The following FOXP2 variants were observed in gnomAD, a reference collection of about 807,000 sequenced individuals.
FOXP2 encodes the protein forkhead box protein P2.
Under a neutral mutation model 115.8 loss-of-function variants are expected in FOXP2, and 12 were observed. The ratio of observed to expected loss-of-function variants is 0.10; its 90% CI spans 0.07 to 0.17. The LOEUF (loss-of-function observed/expected upper bound fraction) is 0.17. Ranked by LOEUF, FOXP2 falls within the 10% of genes least tolerant of loss-of-function variation. FOXP2 has a pLI of 1.00. For missense variants in FOXP2, 629 were observed against 843.5 expected (o/e 0.75, Z 3.15); for synonymous variants, 328 against 297.7 (o/e 1.10, Z -1.05).
chr7:114,396,856 A>G (rs1792758286), intron 2 of FOXP2, among the ~76,000 whole-genome samples: 1 of 152,146 alleles, frequency 6.6e-6, no homozygotes, highest in Non-Finnish European at 1.5e-5. Flanking sequence ...CCACAAAATG[A>G]TAACGATGTG....
At chr7:114,113,416 C>T (rs1791324752) in intron 1 of FOXP2, among the ~76,000 whole-genome samples, 1 of 152,206 alleles carries the variant, frequency 6.6e-6, no homozygotes, top group Non-Finnish European at 1.5e-5. Context: ...AGTTCTCACT[C>T]TGTCACTCAG....
chr7:114,108,029 A>T (rs1791166725), intron 1 of FOXP2, among the ~76,000 whole-genome samples: 1 of 151,978 alleles, frequency 6.6e-6, no homozygotes, highest in Non-Finnish European at 1.5e-5. Flanking sequence ...ACAAAGTCAC[A>T]TTATTTTGTG....
At position 114,414,883 on chromosome 7, in the gene FOXP2, TTC is replaced by T. The variant is rs1200605338; in HGVS notation, c.-479_-478del. 2 of 345,222 alleles carry T rather than the reference TTC, an allele frequency of 5.8e-6. No homozygotes were observed. Among genetic ancestry groups the T allele is most frequent in the Non-Finnish European group, 1.1e-5 (2 of 174,534 alleles). The allele number at this position is 345,222 out of a possible 1,614,324, so 21.4% of individuals were successfully genotyped here. A position where few individuals can be genotyped will look rare whatever the true frequency, so the allele number is the denominator to read the frequency against. On this transcript the variant is annotated 5_prime_UTR_variant, in exon 1 of 17. It removes the in-frame stop codon of an upstream open reading frame in the 5' UTR. Coordinates refer to ENST00000350908, the MANE Select transcript of FOXP2 (RefSeq NM_014491.4). ...TGCTTTTGTCTCTCTCTCTCTGTCT[TTC>T]TCTCTCTCACACACACACTCACACA...
chr7:114,551,077 T>G (rs1378222692), intron 3 of FOXP2, among the ~76,000 whole-genome samples: 1 of 152,176 alleles, frequency 6.6e-6, no homozygotes, highest in South Asian at 2.1e-4. Context: ...ATTGAAAAGC[T>G]AATCCACAGA....
rs1404850998 is a variant in FOXP2, at chr7:114,402,620, AT to A, written c.-10-23865del. The stretch of plus-strand genomic sequence containing the variant: ...CACCCCTGCAAAAACCATGCAAGCA[AT>A]TTTTTTTTTTTTTTTTGAGACAGGG... On this transcript the variant is annotated intron_variant, in intron 2 of 17. Transcript: ENST00000634411. Among the ~76,000 whole-genome samples, 1,099 of 140,022 alleles carry A rather than the reference AT, an allele frequency of 7.8e-3. 2 individuals are homozygous for A. Among genetic ancestry groups the A allele is most frequent in the African/African-American group, 0.013 (492 of 38,232 alleles). 91.9% of individuals were successfully genotyped at this position (140,022 alleles called of 152,430 possible). A position where few individuals can be genotyped will look rare whatever the true frequency, so the allele number is the denominator to read the frequency against.
chr7:114,166,039 A>C (rs1012957782), intron 1 of FOXP2, among the ~76,000 whole-genome samples: 4 of 152,210 alleles, frequency 2.6e-5, no homozygotes, highest in African/African-American at 9.6e-5. Flanking sequence ...AATAGTGCTT[A>C]AACAACTGGA....
At chr7:114,173,474 A>G (rs1239059964) in intron 1 of FOXP2, among the ~76,000 whole-genome samples, 1 of 151,186 alleles carries the variant, frequency 6.6e-6, no homozygotes, top group African/African-American at 2.4e-5. Context: ...TAGTTGGTTG[A>G]CATTAAGAAA....
At chr7:114,160,443 T>A (rs990947408), upstream of FOXP2, among the ~76,000 whole-genome samples, 9 of 152,084 alleles carry the variant, frequency 5.9e-5, no homozygotes, top group African/African-American at 2.2e-4. Flanking sequence ...TTGTATATGG[T>A]GAATTCATTG....
intron 1 of FOXP2, among the ~76,000 whole-genome samples, chr7:114,130,022 TA>T (rs1791826648): frequency 6.6e-6 from 1 of 152,118 alleles, no homozygotes; most frequent in Admixed American, 6.5e-5. Flanking sequence ...TTTAAACTTT[TA>T]AAAAGTCTGC....
chr7:114,219,643 G>T (rs751313791), intron 1 of FOXP2, among the ~76,000 whole-genome samples: 1 of 151,878 alleles, frequency 6.6e-6, no homozygotes, highest in African/African-American at 2.4e-5. Context: ...CTGATTGCAT[G>T]TATAACATAT....
chr7:114,451,422 A>C (rs1361028873), intron 2 of FOXP2, among the ~76,000 whole-genome samples: 2 of 152,082 alleles, frequency 1.3e-5, no homozygotes, highest in African/African-American at 4.8e-5. Flanking sequence ...TGAAATGAGG[A>C]TCATACTGTC....
chr7:114,430,611 A>T lies in FOXP2; in HGVS notation c.168+3932A>T, dbSNP rs536363473. 4.5e-3 allele frequency among the ~76,000 whole-genome samples: 680 copies of T among 151,788 alleles called. 4 individuals carry two copies. Among genetic ancestry groups the T allele is most frequent in the South Asian group, 0.026 (124 of 4,822 alleles). ...TCACACTACAATATTAATTGATGAT[A>T]TTTTCCTTTTTTACAACCAAATTCC... is the stretch of plus-strand genomic sequence containing the variant. On this transcript the variant is annotated intron_variant, in intron 2 of 16. Transcript: ENST00000350908.
chr7:114,625,494 C>A (rs1035955683), intron 3 of FOXP2, among the ~76,000 whole-genome samples: 2 of 151,710 alleles, frequency 1.3e-5, no homozygotes, highest in African/African-American at 4.8e-5. Flanking sequence ...ATACTGATTT[C>A]GTCTATTTAA....
chr7:114,341,930 A>T (rs1028196384), intron 2 of FOXP2, among the ~76,000 whole-genome samples: 2 of 151,286 alleles, frequency 1.3e-5, no homozygotes, highest in African/African-American at 4.8e-5. Context: ...TTATGGCTAG[A>T]TTGGAAGCTG....
chr7:114,139,065 CA>C (rs1181855368), intron 1 of FOXP2, among the ~76,000 whole-genome samples: 4 of 152,064 alleles, frequency 2.6e-5, no homozygotes, highest in African/African-American at 9.7e-5. Context: ...ACAGGGGTTA[CA>C]GGGGGCAGGG....
At chr7:114,343,685 G>A (rs187796727) in intron 2 of FOXP2, among the ~76,000 whole-genome samples, 1 of 151,694 alleles carries the variant, frequency 6.6e-6, no homozygotes, top group Non-Finnish European at 1.5e-5. Context: ...CCTTTGTGCT[G>A]TCTATTGCTT....
intron 8 of FOXP2, among the ~76,000 whole-genome samples, chr7:114,649,692 G>A (rs936534036): frequency 1.3e-5 from 2 of 152,028 alleles, no homozygotes; most frequent in Admixed American, 6.6e-5. Context: ...TAATTAAGTA[G>A]AGGGAATGAA....
At chr7:114,216,527 A>G (rs1794488772) in intron 1 of FOXP2, among the ~76,000 whole-genome samples, 1 of 152,116 alleles carries the variant, frequency 6.6e-6, no homozygotes, top group African/African-American at 2.4e-5. Flanking sequence ...ATATTTTTAT[A>G]TATTGTATAT....
intron 3 of FOXP2, among the ~76,000 whole-genome samples, chr7:114,593,494 C>T (rs899872363): frequency 3.9e-5 from 6 of 152,006 alleles, no homozygotes; most frequent in African/African-American, 1.4e-4. Flanking sequence ...CTTTTTCTAT[C>T]AACGCTTATA....
Sources: gnomAD v4.1 joint callset for allele counts (sites outside exome capture counted in the v4.1 genomes callset) on GRCh38, gnomAD v4.1.1 for gene constraint, MANE v1.5 for transcripts, NCBI Gene and HGNC (gene_info 2026-07-23, HGNC 2026-07-21) for gene names.